The following MIER3 variants were observed in gnomAD, a reference collection of about 807,000 sequenced individuals.
MIER3 encodes MIER family member 3.
MIER3 carries 9 observed loss-of-function variants against 63.2 expected under a neutral mutation model. The ratio of observed to expected loss-of-function variants is 0.14; its 90% CI spans 0.09 to 0.25. The LOEUF is 0.25. Among genes scored for constraint, MIER3 ranks in the 10% least tolerant of loss-of-function variants. The pLI is 1.00. For missense variants in MIER3, 512 were observed against 666.2 expected (o/e 0.77, Z 2.55); for synonymous variants, 205 against 224.9 (o/e 0.91, Z 0.79).
intron 3 of MIER3, among the ~76,000 whole-genome samples, chr5:56,944,889 G>A (rs752016331): frequency 2.7e-5 from 4 of 147,512 alleles, no homozygotes; most frequent in East Asian, 4.2e-4. Context: ...TAGAAACAGG[G>A]TCTCACTATG....
At position 56,950,740 on chromosome 5, in the gene MIER3, C is replaced by G; in HGVS notation, c.10-88G>C. 3 of 1,480,824 alleles carry G rather than the reference C, an allele frequency of 2.0e-6. No individual in the cohort carries two copies. In the South Asian group the frequency reaches 3.5e-5, roughly 17 times the overall value. 91.7% of individuals were successfully genotyped at this position (1,480,824 alleles called of 1,614,324 possible). ...CAACAGGGCGCAGAGGAGGCGGAGTCGAGCGCTCCTCCGCAGCTGCCAAAA... is the reference window on the plus strand; with the variant it reads ...CAACAGGGCGCAGAGGAGGCGGAGTGGAGCGCTCCTCCGCAGCTGCCAAAA... On this transcript the variant is annotated intron_variant, in intron 1 of 12. Coordinates refer to ENST00000381199, the MANE Select transcript of MIER3 (RefSeq NM_001297599.2).
In MIER3 at chr5:56,923,786, G is replaced by T. The variant is rs768910149; in HGVS notation, c.1100C>A (p.Thr367Lys). Residue 367 changes from threonine (T) to lysine (K), a missense_variant, in exon 12 of 13, where the codon ACG becomes AAG. Physicochemically the swap from Thr to Lys is moderately conservative, Grantham distance 78. Transcript: ENST00000381199. ...LVDETEALGG[T>K]VNASALTSNR... The stretch of plus-strand genomic sequence containing the variant: ...AGAAGTTAAGGCTGAAGCATTTACC[G>T]TCCCACCCAAAGCTTCTGTTTCATC... 6.2e-7 allele frequency: 1 copy of T among 1,614,088 alleles called. No individual in the cohort carries two copies. Among genetic ancestry groups the T allele is most frequent in the Non-Finnish European group, 8.5e-7 (1 of 1,179,980 alleles).
At chr5:56,951,104 C>T (rs1751009784) in intron 1 of MIER3, among the ~76,000 whole-genome samples, 1 of 152,144 alleles carries the variant, frequency 6.6e-6, no homozygotes, top group Non-Finnish European at 1.5e-5. Context: ...CCCCTGGGGC[C>T]CGGGAGCCCC....
At chr5:56,946,403 A>G (rs550289102) in intron 3 of MIER3, among the ~76,000 whole-genome samples, 5 of 152,022 alleles carry the variant, frequency 3.3e-5, no homozygotes, top group Non-Finnish European at 7.4e-5. Context: ...TACAAACTAC[A>G]CTCACTCTTG....
intron 8 of MIER3, among the ~76,000 whole-genome samples, chr5:56,931,639 C>G (rs1435193731): frequency 6.6e-6 from 1 of 151,898 alleles, no homozygotes; most frequent in East Asian, 1.9e-4. Context: ...ACAGTAGAAC[C>G]AAGGATCAGT....
intron 8 of MIER3, among the ~76,000 whole-genome samples, chr5:56,931,146 G>A (rs191850102): frequency 7.4e-4 from 112 of 152,248 alleles, no homozygotes; most frequent in African/African-American, 2.5e-3. Flanking sequence ...TTAATATAAG[G>A]GAACAGCAGC....
intron 8 of MIER3, 60 bp from the exon 9 acceptor site, chr5:56,930,805 C>T (rs1175742920): frequency 1.9e-5 from 25 of 1,343,924 alleles, no homozygotes; most frequent in South Asian, 3.5e-5. Context: ...TTTTAAAAAA[C>T]AGGTGTAAGA....
intron 2 of MIER3, among the ~76,000 whole-genome samples, chr5:56,949,521 C>G (rs1750944905): frequency 6.6e-6 from 1 of 152,114 alleles, no homozygotes; most frequent in South Asian, 2.1e-4. Context: ...CAAAAAAGTT[C>G]ATCTCAAAAT....
At chr5:56,940,433 G>A (rs536513828) in intron 3 of MIER3, among the ~76,000 whole-genome samples, 2 of 152,200 alleles carry the variant, frequency 1.3e-5, no homozygotes, top group African/African-American at 4.8e-5. Flanking sequence ...ATTCCTTAGA[G>A]GGCCAGCTGG....
At chr5:56,949,226 C>T (rs1002221151) in intron 2 of MIER3, among the ~76,000 whole-genome samples, 6 of 151,980 alleles carry the variant, frequency 3.9e-5, no homozygotes, top group South Asian at 2.1e-4. Context: ...GGTGTGGTGG[C>T]GCATCCCTGT....
rs76601122 is a variant in MIER3, at chr5:56,927,040, C to T, written c.924+1727G>A. On this transcript the variant is annotated intron_variant, in intron 10 of 12. Coordinates refer to ENST00000381199, the MANE Select transcript of MIER3 (RefSeq NM_001297599.2). ...ACTATATGACATTCTGAAATGGCAA[C>T]AGTACAGACAATAAAAAGATCAATG... Among the ~76,000 whole-genome samples, 1,408 of 152,078 alleles carry T rather than the reference C, an allele frequency of 9.3e-3. 16 individuals carry two copies. The highest frequency in any genetic ancestry group is 0.028 in the African/African-American group (1,150 of 41,464).
In MIER3 at chr5:56,923,392, C is replaced by T. The variant is rs975004789; in HGVS notation, c.1389G>A (p.Ser463=). 1.6e-5 allele frequency: 26 copies of T among 1,614,018 alleles called. No homozygotes were observed. Among genetic ancestry groups the T allele is most frequent in the African/African-American group, 2.7e-5 (2 of 74,906 alleles). ...TGCACATGTTCATAGGGTTTAGCTC[C>T]GAGTGATAAAATCCAGTCTCAAATA... ...FNLFETGFYH[S]ELNPMNMCSE... The change falls in exon 13 of 13, where the codon TCG becomes TCA. Residue 463 remains serine, a synonymous_variant. Coordinates refer to ENST00000381199, the MANE Select transcript of MIER3 (RefSeq NM_001297599.2).
Position 56,928,873 on chromosome 5 carries a change from T to C in MIER3, c.830-12A>G. Reference sequence around the variant, plus strand: ...TGCAGTCATTCCTTCTAAGAAAAATTTTAAAATAAAATTTATGGGCCCCCA... The same window carrying C: ...TGCAGTCATTCCTTCTAAGAAAAATCTTAAAATAAAATTTATGGGCCCCCA... On this transcript the variant is annotated splice_polypyrimidine_tract_variant and intron_variant, in intron 9 of 12. Transcript: ENST00000381199. 1 of 1,607,302 alleles carries C rather than the reference T, an allele frequency of 6.2e-7. No individual in the cohort carries two copies. Among genetic ancestry groups the C allele is most frequent in the Non-Finnish European group, 8.5e-7 (1 of 1,176,822 alleles).
intron 2 of MIER3, among the ~76,000 whole-genome samples, chr5:56,948,522 C>T (rs1381634447): frequency 1.3e-5 from 2 of 151,832 alleles, no homozygotes; most frequent in Non-Finnish European, 2.9e-5. Flanking sequence ...AAAAATTAGC[C>T]GGGCATGGTG....
chr5:56,951,559 C>T (rs1311165901), intron 1 of MIER3, among the ~76,000 whole-genome samples: 1 of 152,184 alleles, frequency 6.6e-6, no homozygotes, highest in African/African-American at 2.4e-5. Context: ...CCCCGCATCC[C>T]GCTCTTCTCC....
chr5:56,935,831 T>G (rs1579850929), intron 5 of MIER3, 80 bp from the exon 6 acceptor site: 1 of 1,049,906 alleles, frequency 9.5e-7, no homozygotes. Flanking sequence ...TTTTACAAAA[T>G]GTTGTTAAAT....
intron 3 of MIER3, among the ~76,000 whole-genome samples, chr5:56,939,360 C>G (rs904398359): frequency 1.3e-5 from 2 of 152,066 alleles, no homozygotes; most frequent in African/African-American, 2.4e-5. Context: ...ATTAATCAAT[C>G]AATAACTTGT....
chr5:56,922,851 A>C lies in MIER3; in HGVS notation c.*277T>G, dbSNP rs982213804. On this transcript the variant is annotated 3_prime_UTR_variant, in exon 13 of 13. Coordinates refer to ENST00000381199, the MANE Select transcript of MIER3 (RefSeq NM_001297599.2). ...GAATAGAAAAAGAAGGGAGTGGGGA[A>C]GAGGTATTGGGAGATGAGGAAGAGA... is the stretch of plus-strand genomic sequence containing the variant. 2.9e-5 allele frequency: 11 copies of C among 376,644 alleles called. No individual in the cohort carries two copies. The East Asian group carries it at 4.0e-4, about 14-fold the overall frequency. 23.3% of individuals were successfully genotyped at this position (376,644 alleles called of 1,614,324 possible).
intron 3 of MIER3, among the ~76,000 whole-genome samples, chr5:56,945,691 A>G (rs1291370945): frequency 6.6e-6 from 1 of 152,180 alleles, no homozygotes; most frequent in African/African-American, 2.4e-5. Context: ...AAACACCAAA[A>G]TATGGGCCAC....
Sources: allele counts gnomAD v4.1 joint callset (sites outside exome capture counted in the v4.1 genomes callset), GRCh38; gene constraint gnomAD v4.1.1; transcripts MANE v1.5; gene names NCBI Gene and HGNC (gene_info 2026-07-23, HGNC 2026-07-21).